The following KIF5B variants were observed in gnomAD, a reference collection of about 807,000 sequenced individuals.
KIF5B encodes the protein kinesin family member 5B, also known as kinesin-1 heavy chain.
A neutral mutation model predicts 132.8 loss-of-function variants in KIF5B; 49 were observed. That is an observed-to-expected ratio of 0.37 (90% CI 0.29 to 0.47). The LOEUF is 0.47. Ranked by LOEUF, KIF5B falls within the 20% of genes least tolerant of loss-of-function variation. The probability of loss-of-function intolerance (pLI) is 1.00; values close to 1 mark genes in which losing one functional copy is unlikely to be tolerated. For missense variants in KIF5B, 780 were observed against 1,144.0 expected, an observed-to-expected ratio of 0.68 and a Z score of 4.59; for synonymous variants, 355 against 369.4, an observed-to-expected ratio of 0.96 and a Z score of 0.45.
chr10:32,041,079 G>A (rs558267519), intron 2 of KIF5B, among the ~76,000 whole-genome samples: 1 of 150,822 alleles, frequency 6.6e-6, no homozygotes, highest in Non-Finnish European at 1.5e-5. Flanking sequence ...CCAGGAGAAG[G>A]AGGTTGCAGT....
intron 6 of KIF5B, 83 bp from the exon 7 acceptor site, chr10:32,037,690 G>A (rs1369577924): frequency 3.1e-5 from 32 of 1,017,212 alleles, no homozygotes; most frequent in African/African-American, 1.3e-4. Context: ...AAAATTAGCC[G>A]GGCGCGGTGG....
At chr10:32,055,639 G>GA (rs1841746375) in intron 1 of KIF5B, among the ~76,000 whole-genome samples, 1 of 152,172 alleles carries the variant, frequency 6.6e-6, no homozygotes, top group African/African-American at 2.4e-5. Flanking sequence ...CCGTCTCCCG[G>GA]CGCCGAAGAC....
intron 6 of KIF5B, 56 bp downstream of exon 6, chr10:32,038,107 C>G: frequency 9.8e-7 from 1 of 1,024,998 alleles, no homozygotes; most frequent in Non-Finnish European, 1.4e-6. Flanking sequence ...GAGACTCTGT[C>G]TTAAAAAAAA....
In KIF5B at chr10:32,015,512, T is replaced by TG. The variant is rs752049537; in HGVS notation, c.*16dup. 9.7e-6 allele frequency: 15 copies of TG among 1,553,342 alleles called. No individual in the cohort carries two copies. The highest frequency in any genetic ancestry group is 1.1e-5 in the Non-Finnish European group (13 of 1,149,720). On this transcript the variant is annotated 3_prime_UTR_variant, in exon 25 of 26. Coordinates refer to ENST00000302418, the MANE Select transcript of KIF5B (RefSeq NM_004521.3). ...AAGCCAGATATAAATAACAAACCTG[T>TG]GGGTATGTATAAACGATTACACTTG...
At position 32,055,988 on chromosome 10, in the gene KIF5B, G is replaced by C. The variant is rs924249318; in HGVS notation, c.-15C>G. The C allele has an allele frequency of 6.2e-7, 1 of 1,600,494 alleles. No homozygotes were observed. Among genetic ancestry groups the C allele is most frequent in the African/African-American group, 1.3e-5 (1 of 74,878 alleles). On this transcript the variant is annotated 5_prime_UTR_variant, in exon 1 of 26. Transcript: ENST00000302418. ...AGGTCCGCCATCTTTCTCGCAGCCG[G>C]GGCCGGCGGCCGGGAGCCACTCCCC...
Position 32,037,326 on chromosome 10 carries a change from T to C in KIF5B, c.639A>G (p.Lys213=), listed in dbSNP as rs1841474078. ...RSHSIFLINV[K]QENTQTEQKL... ...TTTGTTCCGTTTGTGTGTTCTCTTG[T>C]TTGACATTAATAAGAAATATACTGT... Residue 213 remains lysine, a synonymous_variant, in exon 8 of 26, where the codon AAA becomes AAG. Coordinates refer to ENST00000302418, the MANE Select transcript of KIF5B (RefSeq NM_004521.3). 1.2e-6 allele frequency: 2 copies of C among 1,613,592 alleles called. No individual in the cohort carries two copies. Among genetic ancestry groups the C allele is most frequent in the Non-Finnish European group, 1.7e-6 (2 of 1,179,550 alleles).
rs1479988527 is a variant in KIF5B at position 32,021,129 on chromosome 10, T to G, written c.2097A>C (p.Gln699His). The change falls in exon 19 of 26, where the codon CAA (glutamine) becomes CAC (histidine). Residue 699 changes from glutamine (Q) to histidine (H), a missense_variant and splice_region_variant. By Grantham distance (24) the Gln-to-His change is conservative. Coordinates refer to ENST00000302418, the MANE Select transcript of KIF5B (RefSeq NM_004521.3). ...GGCTCTGGATCTGCTGTTCAACAGC[T>G]TGCTAAAATTTTGGGGGGGAAAAGG... is the stretch of plus-strand genomic sequence containing the variant. ...NKVQTANEVK[Q>H]AVEQQIQSHR... is the part of the protein sequence containing the mutation. The G allele has an allele frequency of 6.2e-7, 1 of 1,612,882 alleles. No individual in the cohort carries two copies. The highest frequency in any genetic ancestry group is 8.5e-7 in the Non-Finnish European group (1 of 1,179,044).
chr10:32,011,565 T>C (rs1168617253), intron 25 of KIF5B, 49 bp from the exon 26 acceptor site: 2 of 152,140 alleles, frequency 1.3e-5, no homozygotes, highest in Admixed American at 6.6e-5. Flanking sequence ...TTTACAAAAT[T>C]GGTGTTTGAG....
intron 17 of KIF5B, 57 bp downstream of exon 17, chr10:32,022,083 T>A: frequency 1.2e-6 from 1 of 831,654 alleles, no homozygotes; most frequent in Non-Finnish European, 1.9e-6. Flanking sequence ...TTAAGTTTAC[T>A]ACAATTATAC....
intron 1 of KIF5B, 46 bp from the exon 2 acceptor site, chr10:32,048,597 G>T (rs1388506605): frequency 7.3e-7 from 1 of 1,374,718 alleles, no homozygotes; most frequent in Non-Finnish European, 1.0e-6. Context: ...AAAGGTAAAT[G>T]AACATTTCTA....
At chr10:32,026,417 GAC>G (rs1345050047) in intron 15 of KIF5B, among the ~76,000 whole-genome samples, 1 of 106,454 alleles carries the variant, frequency 9.4e-6, no homozygotes, top group Non-Finnish European at 1.7e-5. Context: ...CAGCCTGGGA[GAC>G]ACAGTGAGAT....
chr10:32,024,443 C>T (rs1310950514), intron 15 of KIF5B, among the ~76,000 whole-genome samples: 3 of 149,624 alleles, frequency 2.0e-5, no homozygotes, highest in African/African-American at 4.9e-5. Flanking sequence ...CGTGAGCCAC[C>T]GCGCCCGGCC....
intron 3 of KIF5B, 83 bp downstream of exon 3, chr10:32,040,301 T>C: frequency 1.2e-6 from 1 of 829,738 alleles, no homozygotes; most frequent in Non-Finnish European, 2.1e-6. Flanking sequence ...ATTAAAATGT[T>C]TATGCATGGT....
chr10:32,016,507 C>G (rs898906743), intron 24 of KIF5B, among the ~76,000 whole-genome samples: 8 of 152,084 alleles, frequency 5.3e-5, no homozygotes, highest in African/African-American at 1.9e-4. Flanking sequence ...AAAAACACTT[C>G]CTGCACCAAT....
chr10:32,020,716 C>A (rs1341451403), intron 19 of KIF5B, among the ~76,000 whole-genome samples: 3 of 152,136 alleles, frequency 2.0e-5, no homozygotes, highest in African/African-American at 7.2e-5. Context: ...TCAGCCACTG[C>A]ACCCAGCCAA....
Position 32,019,936 on chromosome 10 carries a change from T to A in KIF5B, c.2228A>T (p.Glu743Val). 1 of 1,610,040 alleles carries A rather than the reference T, an allele frequency of 6.2e-7. No homozygotes were observed. Among genetic ancestry groups the A allele is most frequent in the East Asian group, 2.2e-5 (1 of 44,778 alleles). Reference sequence around the variant, plus strand: ...ATGTTCTACTCTTAGACGTTCCTGCTCTAACATCATTTTCTGGTTTTGGCT... The same window carrying A: ...ATGTTCTACTCTTAGACGTTCCTGCACTAACATCATTTTCTGGTTTTGGCT... ...LQDQNQKMML[E>V]QERLRVEHEK... is the part of the protein sequence containing the mutation. Residue 743 changes from glutamate to valine, a missense_variant, in exon 20 of 26, where the codon GAG becomes GTG. Transcript: ENST00000302418.
intron 15 of KIF5B, 34 bp from the exon 16 acceptor site, chr10:32,023,070 C>A (rs753529409): frequency 3.8e-6 from 5 of 1,303,992 alleles, no homozygotes; most frequent in South Asian, 3.3e-5. Context: ...AAATTAAAGC[C>A]AAAAATGTTC....
At chr10:32,016,011 G>T (rs1841154462) in intron 24 of KIF5B, among the ~76,000 whole-genome samples, 1 of 152,048 alleles carries the variant, frequency 6.6e-6, no homozygotes, top group African/African-American at 2.4e-5. Flanking sequence ...AGGTGTGGTG[G>T]CGTGCACCTG....
At chr10:32,012,212 C>G (rs143275772) in intron 25 of KIF5B, among the ~76,000 whole-genome samples, 98 of 152,304 alleles carry the variant, frequency 6.4e-4, no homozygotes, top group African/African-American at 1.9e-3. Context: ...GTGGCTCACA[C>G]CTGTAATCTG....
Sources: allele counts gnomAD v4.1 joint callset (sites outside exome capture counted in the v4.1 genomes callset), GRCh38; gene constraint gnomAD v4.1.1; transcripts MANE v1.5; gene names NCBI Gene and HGNC (gene_info 2026-07-23, HGNC 2026-07-21).